Variants in PACRG observed in about 807,000 individuals in gnomAD.
The protein encoded by PACRG is parkin coregulated.
In PACRG, 29 loss-of-function variants were observed where a neutral mutation model predicts 29.7. The observed-to-expected ratio is 0.98, with a 90% CI of 0.73 to 1.33. The LOEUF is 1.33. Ranked by LOEUF, PACRG falls within the 40% of genes most tolerant of loss-of-function variation. The probability of loss-of-function intolerance (pLI) is 0.00; values close to 1 mark genes in which losing one functional copy is unlikely to be tolerated. For synonymous variants in PACRG, 116 were observed against 118.7 expected (o/e 0.98, Z 0.15); for missense variants, 279 against 316.2 (o/e 0.88, Z 0.89).
chr6:163,214,306 A>G, intron 4 of PACRG, among the ~76,000 whole-genome samples: 1 of 152,140 alleles, frequency 6.6e-6, no homozygotes. Context: ...GAGTTTTATT[A>G]TCTTACTGGG....
In PACRG at chr6:162,747,452, A is replaced by ATATAT. The variant is rs1562557120; in HGVS notation, c.156+19061_156+19062insTATAT. 2.1e-4 allele frequency among the ~76,000 whole-genome samples: 13 copies of ATATAT among 63,040 alleles called. 2 individuals carry two copies. The highest frequency in any genetic ancestry group is 4.1e-4 in the Admixed American group (2 of 4,908). 41.4% of individuals were successfully genotyped at this position (63,040 alleles called of 152,430 possible). A position where few individuals can be genotyped will look rare whatever the true frequency, so the allele number is the denominator to read the frequency against. On this transcript the variant is annotated intron_variant, in intron 1 of 4. Coordinates refer to ENST00000366888, the MANE Select transcript of PACRG (RefSeq NM_001080379.2). Reference sequence around the variant, plus strand: ...TATATGTAAAACTATATATATATATAACTATAAATATATATGTAAAACTAT... The same window carrying ATATAT: ...TATATGTAAAACTATATATATATATATATATACTATAAATATATATGTAAAACTAT...
At chr6:163,245,045 G>A in intron 4 of PACRG, 1 of 455,628 alleles carries the variant, frequency 2.2e-6, no homozygotes, top group South Asian at 1.6e-5. Context: ...GTATGTAAAA[G>A]TCTAATCTTC....
At chr6:163,202,997 G>A (rs1780768377) in intron 4 of PACRG, among the ~76,000 whole-genome samples, 4 of 152,152 alleles carry the variant, frequency 2.6e-5, no homozygotes, top group Admixed American at 2.6e-4. Context: ...GGGCTGTGGG[G>A]GAAGCACCTT....
chr6:162,964,637 A>G (rs1022998646), intron 2 of PACRG, among the ~76,000 whole-genome samples: 1 of 152,156 alleles, frequency 6.6e-6, no homozygotes, highest in African/African-American at 2.4e-5. Flanking sequence ...CTGGACATGA[A>G]TGCGTTAGGA....
chr6:162,971,689 A>G (rs566932545), intron 2 of PACRG, among the ~76,000 whole-genome samples: 78 of 152,338 alleles, frequency 5.1e-4, no homozygotes, highest in Non-Finnish European at 9.6e-4. Context: ...AGTAAATCTT[A>G]TGGAATAAGG....
intron 4 of PACRG, among the ~76,000 whole-genome samples, chr6:163,313,248 A>T (rs1785507186): frequency 6.6e-6 from 1 of 152,116 alleles, no homozygotes; most frequent in Non-Finnish European, 1.5e-5. Context: ...GGCTTTGTGA[A>T]CCATTTTAAG....
At chr6:163,145,736 A>G (rs1222149053) in intron 4 of PACRG, among the ~76,000 whole-genome samples, 1 of 152,110 alleles carries the variant, frequency 6.6e-6, no homozygotes, top group African/African-American at 2.4e-5. Flanking sequence ...ACGGGCATGG[A>G]AGTTTTGGTT....
At chr6:163,291,014 G>T (rs1196238410) in intron 4 of PACRG, among the ~76,000 whole-genome samples, 1 of 152,184 alleles carries the variant, frequency 6.6e-6, no homozygotes, top group Non-Finnish European at 1.5e-5. Context: ...TTTCTGGAAG[G>T]CACTGGCCTG....
Position 162,855,501 on chromosome 6 carries a change from G to GA in PACRG, c.291+41229dup, listed in dbSNP as rs200516237. Among the ~76,000 whole-genome samples the GA allele has an allele frequency of 2.1e-3, 318 of 149,898 alleles. 3 individuals carry two copies. Among genetic ancestry groups the GA allele is most frequent in the Admixed American group, 1.0e-2 (151 of 15,112 alleles). On this transcript the variant is annotated intron_variant, in intron 2 of 4. Coordinates refer to ENST00000366888, the MANE Select transcript of PACRG (RefSeq NM_001080379.2). ...CATCTGTCTTAAACTGTTATTCTAA[G>GA]AAAAAAAAATGGAGAAAGAAGAAAT...
intron 4 of PACRG, among the ~76,000 whole-genome samples, chr6:163,198,555 G>A (rs1321091487): frequency 3.3e-5 from 5 of 152,176 alleles, no homozygotes; most frequent in Admixed American, 6.5e-5. Flanking sequence ...CAGTGAGAAC[G>A]GGTGGATCGG....
chr6:163,290,276 G>GCA (rs1451417317), intron 4 of PACRG, among the ~76,000 whole-genome samples: 26 of 127,706 alleles, frequency 2.0e-4, no homozygotes, highest in East Asian at 5.8e-4. Context: ...ACGCGCGCGC[G>GCA]CGCACACACA....
chr6:162,858,868 C>A (rs774235822), intron 2 of PACRG, among the ~76,000 whole-genome samples: 1 of 152,144 alleles, frequency 6.6e-6, no homozygotes, highest in African/African-American at 2.4e-5. Context: ...GCCTTCCCTG[C>A]GGTCATGGCC....
chr6:163,057,082 C>G (rs1039814573), intron 2 of PACRG, among the ~76,000 whole-genome samples: 1 of 152,074 alleles, frequency 6.6e-6, no homozygotes, highest in South Asian at 2.1e-4. Flanking sequence ...GGATTACAGT[C>G]AAAAGAGAAT....
At chr6:162,861,808 C>A (rs1432858091) in intron 2 of PACRG, among the ~76,000 whole-genome samples, 3 of 152,126 alleles carry the variant, frequency 2.0e-5, no homozygotes, top group African/African-American at 7.2e-5. Context: ...CACTTTAGAT[C>A]TCTGTTGTAA....
intron 3 of PACRG, among the ~76,000 whole-genome samples, chr6:163,065,078 C>T (rs939792417): frequency 6.6e-6 from 1 of 152,128 alleles, no homozygotes; most frequent in African/African-American, 2.4e-5. Context: ...TTGGTTCAAG[C>T]CCCCAAGTTC....
chr6:163,006,074 A>G (rs1805067080), intron 2 of PACRG, among the ~76,000 whole-genome samples: 1 of 144,678 alleles, frequency 6.9e-6, no homozygotes, highest in Admixed American at 7.1e-5. Flanking sequence ...ATATAACTAT[A>G]TATGGGTTTT....
At chr6:162,762,629 A>G (rs1782465775) in intron 1 of PACRG, among the ~76,000 whole-genome samples, 1 of 152,258 alleles carries the variant, frequency 6.6e-6, no homozygotes. Flanking sequence ...TTAATATGGC[A>G]GGGATAACCA....
chr6:162,847,362 G>T (rs1405011293), intron 2 of PACRG, among the ~76,000 whole-genome samples: 4 of 152,076 alleles, frequency 2.6e-5, no homozygotes, highest in Admixed American at 2.6e-4. Context: ...TTCCTTGCAT[G>T]TGACCTCTTG....
In PACRG at chr6:162,877,713, A is replaced by G. The variant is rs536538618; in HGVS notation, c.291+63432A>G. On this transcript the variant is annotated intron_variant, in intron 2 of 4. Coordinates refer to ENST00000366888, the MANE Select transcript of PACRG (RefSeq NM_001080379.2). ...GGACCAAATATATAAGACATGTTTT[A>G]TATCTGATAGAAATGTTTTAGGGAA... is the stretch of plus-strand genomic sequence containing the variant. Among the ~76,000 whole-genome samples, 10 of 152,346 alleles carry G rather than the reference A, an allele frequency of 6.6e-5. No homozygotes were observed. The South Asian group carries it at 2.1e-3, about 32-fold the overall frequency.
Sources: gnomAD v4.1 joint callset for allele counts (sites outside exome capture counted in the v4.1 genomes callset) on GRCh38, gnomAD v4.1.1 for gene constraint, MANE v1.5 for transcripts, NCBI Gene and HGNC (gene_info 2026-07-23, HGNC 2026-07-21) for gene names.